The following DCDC2 variants were observed in gnomAD, a reference collection of about 807,000 sequenced individuals.
DCDC2 encodes the protein doublecortin domain-containing protein 2.
Under a neutral mutation model 50.2 loss-of-function variants are expected in DCDC2, and 40 were observed. That is an observed-to-expected ratio of 0.80 (90% confidence interval 0.62 to 1.04). The LOEUF (loss-of-function observed/expected upper bound fraction) is 1.04. DCDC2 is among the 50% of genes least tolerant of loss of function. The pLI is 0.00. For missense variants in DCDC2, 570 were observed against 581.9 expected, an observed-to-expected ratio of 0.98 and a Z score of 0.21; for synonymous variants, 234 against 210.6, an observed-to-expected ratio of 1.11 and a Z score of -0.96.
intron 7 of DCDC2, among the ~76,000 whole-genome samples, chr6:24,209,218 T>C (rs1382821570): frequency 6.6e-6 from 1 of 152,222 alleles, no homozygotes; most frequent in Non-Finnish European, 1.5e-5. Flanking sequence ...ATGAGAAATT[T>C]CCAAAAGTAT....
chr6:24,357,589 G>A lies in DCDC2; in HGVS notation c.162C>T (p.Gly54=). The change falls in exon 1 of 10, where the codon GGC becomes GGT. Residue 54 remains glycine (G), a synonymous_variant. Coordinates refer to ENST00000378454, the MANE Select transcript of DCDC2 (RefSeq NM_016356.5). ...TGACGGCCCCAAAGGGTGCCTGAAC[G>A]CCGCCGGTCACCTCCTTCAGGAAGA... is the stretch of plus-strand genomic sequence containing the variant. ...FEVFLKEVTG[G]VQAPFGAVRN... is the part of the protein sequence containing the mutation. 1 of 1,613,488 alleles carries A rather than the reference G, an allele frequency of 6.2e-7. No individual in the cohort carries two copies. The highest frequency in any genetic ancestry group is 8.5e-7 in the Non-Finnish European group (1 of 1,180,036).
intron 7 of DCDC2, among the ~76,000 whole-genome samples, chr6:24,229,199 G>A (rs564677844): frequency 3.9e-5 from 6 of 152,294 alleles, no homozygotes; most frequent in African/African-American, 1.4e-4. Flanking sequence ...TCAAGGTGTT[G>A]GCAGGACTAT....
chr6:24,217,036 T>C (rs1761997623), intron 7 of DCDC2, among the ~76,000 whole-genome samples: 1 of 152,134 alleles, frequency 6.6e-6, no homozygotes, highest in African/African-American at 2.4e-5. Context: ...CACGCCTGAA[T>C]GAAAGCATTC....
intron 8 of DCDC2, among the ~76,000 whole-genome samples, chr6:24,194,488 C>T (rs1020663717): frequency 2.0e-5 from 3 of 152,264 alleles, no homozygotes; most frequent in South Asian, 2.1e-4. Flanking sequence ...CTCCATCTTC[C>T]ACTCGGTTCT....
At chr6:24,315,172 CTT>C (rs112135227) in intron 2 of DCDC2, among the ~76,000 whole-genome samples, 5 of 143,836 alleles carry the variant, frequency 3.5e-5, no homozygotes, top group South Asian at 2.2e-4. Context: ...TTGATCTTTG[CTT>C]TTTTTTTTTT....
At chr6:24,186,220 T>C (rs922462446) in intron 8 of DCDC2, among the ~76,000 whole-genome samples, 20 of 152,198 alleles carry the variant, frequency 1.3e-4, no homozygotes, top group African/African-American at 4.3e-4. Flanking sequence ...CTATCTTCCA[T>C]TGGAATGACA....
chr6:24,353,372 T>C (rs1432915312), intron 2 of DCDC2, 197 bp downstream of exon 2: 28 of 652,542 alleles, frequency 4.3e-5, no homozygotes, highest in Non-Finnish European at 8.1e-5. Context: ...CTGCACATCT[T>C]AGAACATCTA....
intron 8 of DCDC2, among the ~76,000 whole-genome samples, chr6:24,180,340 A>C (rs535542819): frequency 3.3e-5 from 5 of 151,954 alleles, no homozygotes; most frequent in African/African-American, 7.2e-5. Context: ...GCTGGAGTGC[A>C]GTGGTGCGAT....
intron 7 of DCDC2, among the ~76,000 whole-genome samples, chr6:24,220,448 T>C (rs1762074422): frequency 6.6e-6 from 1 of 152,170 alleles, no homozygotes; most frequent in Non-Finnish European, 1.5e-5. Context: ...AAAAGACATA[T>C]GTAACTACTT....
intron 7 of DCDC2, among the ~76,000 whole-genome samples, chr6:24,226,516 G>C (rs984944664): frequency 2.0e-5 from 3 of 152,148 alleles, no homozygotes; most frequent in Non-Finnish European, 4.4e-5. Flanking sequence ...AAAGAGACAG[G>C]CTCCACTCTT....
chr6:24,234,222 G>A (rs1372495097), intron 7 of DCDC2, among the ~76,000 whole-genome samples: 1 of 121,530 alleles, frequency 8.2e-6, no homozygotes, highest in Non-Finnish European at 1.9e-5. Context: ...GAATTTTAAA[G>A]GAGACCATAA....
At chr6:24,179,823 G>T (rs973439617) in intron 8 of DCDC2, among the ~76,000 whole-genome samples, 2 of 151,248 alleles carry the variant, frequency 1.3e-5, no homozygotes, top group Non-Finnish European at 2.9e-5. Flanking sequence ...GCGTGGTGGT[G>T]GGCACCTGTG....
chr6:24,371,641 A>AAG, the DCDC2 span, among the ~76,000 whole-genome samples: 1 of 152,146 alleles, frequency 6.6e-6, no homozygotes, highest in Non-Finnish European at 1.5e-5. Context: ...AATTAAACTA[A>AAG]AGAGCTTCTG....
chr6:24,361,118 A>G (rs1760658762), upstream of DCDC2, among the ~76,000 whole-genome samples: 1 of 152,188 alleles, frequency 6.6e-6, no homozygotes, highest in Non-Finnish European at 1.5e-5. Flanking sequence ...TATTTTTATT[A>G]AAGCCATGTA....
At chr6:24,231,328 G>A (rs965633688) in intron 7 of DCDC2, among the ~76,000 whole-genome samples, 4 of 152,166 alleles carry the variant, frequency 2.6e-5, no homozygotes, top group Non-Finnish European at 5.9e-5. Context: ...TAGGCCCTGG[G>A]TACCATTATA....
At chr6:24,237,915 G>A (rs1030045736) in intron 7 of DCDC2, among the ~76,000 whole-genome samples, 2 of 151,264 alleles carry the variant, frequency 1.3e-5, no homozygotes, top group African/African-American at 4.9e-5. Flanking sequence ...ACTGAGCACT[G>A]TAAGAGAAGA....
intron 1 of DCDC2, among the ~76,000 whole-genome samples, chr6:24,354,112 T>G (rs999227502): frequency 1.3e-5 from 2 of 152,126 alleles, no homozygotes; most frequent in African/African-American, 4.8e-5. Flanking sequence ...TGGGATGACT[T>G]TGGTAATTGG....
chr6:24,342,792 T>C (rs557766087), intron 2 of DCDC2, among the ~76,000 whole-genome samples: 1 of 152,330 alleles, frequency 6.6e-6, no homozygotes, highest in Non-Finnish European at 1.5e-5. Context: ...CCAGCTATGA[T>C]GTAGAGGGCT....
chr6:24,220,911 T>TGAGCGAGCGAGTGAGTGAGC (rs1762102737), intron 7 of DCDC2, among the ~76,000 whole-genome samples: 1 of 125,294 alleles, frequency 8.0e-6, no homozygotes, highest in African/African-American at 2.7e-5. Context: ...AGCGAGAGAG[T>TGAGCGAGCGAGTGAGTGAGC]GAGCGAGCGA....
Sources: allele counts gnomAD v4.1 joint callset (sites outside exome capture counted in the v4.1 genomes callset), GRCh38; gene constraint gnomAD v4.1.1; transcripts MANE v1.5; gene names NCBI Gene and HGNC (gene_info 2026-07-23, HGNC 2026-07-21).